PTPRD: variants seen among roughly 807,000 people sequenced by gnomAD.
PTPRD encodes protein tyrosine phosphatase receptor type D.
Under a neutral mutation model 214.5 loss-of-function variants are expected in PTPRD, and 34 were observed. The observed-to-expected ratio is 0.16, with a 90% CI of 0.12 to 0.21. The LOEUF (loss-of-function observed/expected upper bound fraction) is 0.21, where lower values mean the gene tolerates loss of function less well. Ranked by LOEUF, PTPRD falls within the 10% of genes least tolerant of loss-of-function variation. The pLI is 1.00. For synonymous variants in PTPRD, 1,128 were observed against 845.7 expected, an observed-to-expected ratio of 1.33 and a Z score of -5.79; for missense variants, 2,545 against 2,398.7, an observed-to-expected ratio of 1.06 and a Z score of -1.27.
chr9:10,091,357 T>G (rs1204039657), intron 3 of PTPRD, among the ~76,000 whole-genome samples: 1 of 151,514 alleles, frequency 6.6e-6, no homozygotes, highest in Non-Finnish European at 1.5e-5. Flanking sequence ...TTACTATATT[T>G]AAAATACATC....
intron 2 of PTPRD, among the ~76,000 whole-genome samples, chr9:10,462,741 A>C (rs1429886025): frequency 6.6e-6 from 1 of 151,960 alleles, no homozygotes; most frequent in Non-Finnish European, 1.5e-5. Flanking sequence ...AAGTAAAAAA[A>C]AAAAATACTG....
intron 3 of PTPRD, among the ~76,000 whole-genome samples, chr9:10,313,502 T>G (rs1234738634): frequency 6.6e-6 from 1 of 151,866 alleles, no homozygotes; most frequent in Non-Finnish European, 1.5e-5. Context: ...AAGACAAAAC[T>G]ATCAATTATC....
intron 11 of PTPRD, among the ~76,000 whole-genome samples, chr9:8,775,066 G>A (rs1401872915): frequency 6.6e-6 from 1 of 152,138 alleles, no homozygotes; most frequent in Non-Finnish European, 1.5e-5. Flanking sequence ...TAATTGCTAT[G>A]TCCAGTGATG....
chr9:9,031,789 TGAAA>T (rs2099606295), intron 10 of PTPRD, among the ~76,000 whole-genome samples: 1 of 151,828 alleles, frequency 6.6e-6, no homozygotes. Flanking sequence ...AGGAGTTAGG[TGAAA>T]GAACAAAAAA....
chr9:8,329,741 C>G (rs903644578), intron 44 of PTPRD, among the ~76,000 whole-genome samples: 1 of 152,118 alleles, frequency 6.6e-6, no homozygotes, highest in African/African-American at 2.4e-5. Flanking sequence ...TCCAGAGAAG[C>G]AGTTGGCCTT....
intron 8 of PTPRD, among the ~76,000 whole-genome samples, chr9:9,475,216 T>C (rs1479460676): frequency 2.6e-5 from 4 of 152,200 alleles, no homozygotes; most frequent in Admixed American, 2.0e-4. Flanking sequence ...ATAGCTAATA[T>C]ATTACGAAAT....
At chr9:8,977,828 G>T (rs928480050) in intron 11 of PTPRD, among the ~76,000 whole-genome samples, 1 of 152,020 alleles carries the variant, frequency 6.6e-6, no homozygotes, top group South Asian at 2.1e-4. Flanking sequence ...AGATATTTAG[G>T]GCTGGGAAAG....
intron 3 of PTPRD, among the ~76,000 whole-genome samples, chr9:10,082,830 CACACACACAA>C (rs993670372): frequency 2.2e-5 from 3 of 136,988 alleles, no homozygotes; most frequent in African/African-American, 3.2e-5. Context: ...CACACACACA[CACACACACAA>C]ACACACACAC....
chr9:10,223,670 AAAT>A (rs67338126), intron 3 of PTPRD, among the ~76,000 whole-genome samples: 21,776 of 134,090 alleles, frequency 0.16, 2,280 homozygotes, highest in African/African-American at 0.32. Context: ...ATTCTGTCTC[AAAT>A]AATAATAATA....
At chr9:9,664,105 A>G (rs990223429) in intron 7 of PTPRD, among the ~76,000 whole-genome samples, 6 of 150,632 alleles carry the variant, frequency 4.0e-5, no homozygotes, top group African/African-American at 7.3e-5. Flanking sequence ...AAAAAAAAAA[A>G]AAGAAGTTAT....
intron 5 of PTPRD, among the ~76,000 whole-genome samples, chr9:9,928,375 T>C (rs991621244): frequency 6.6e-6 from 1 of 152,176 alleles, no homozygotes; most frequent in Non-Finnish European, 1.5e-5. Flanking sequence ...TCTTGAGTTT[T>C]TGTCCAGAAC....
In PTPRD at chr9:9,892,220, A is replaced by T. The variant is rs10123433; in HGVS notation, c.-368+46287T>A. Among the ~76,000 whole-genome samples, 6 of 152,198 alleles carry T rather than the reference A, an allele frequency of 3.9e-5. No individual in the cohort carries two copies. The East Asian group carries it at 1.2e-3, about 29-fold the overall frequency. On this transcript the variant is annotated intron_variant, in intron 5 of 45. Coordinates refer to ENST00000381196, the MANE Select transcript of PTPRD (RefSeq NM_002839.4). ...AAAAGGAAAATGTAGGAAGAAAAGT[A>T]ATAAAGGAGGAAAGGAATGGATATT...
intron 9 of PTPRD, among the ~76,000 whole-genome samples, chr9:9,321,346 G>A (rs556248133): frequency 5.7e-4 from 86 of 152,054 alleles, no homozygotes; most frequent in African/African-American, 1.9e-3. Flanking sequence ...ACCTGAGGTC[G>A]GGAGTTCACG....
At chr9:9,879,690 A>T (rs186573908) in intron 5 of PTPRD, among the ~76,000 whole-genome samples, 1,530 of 152,282 alleles carry the variant, frequency 0.01, 7 homozygotes, top group Non-Finnish European at 0.017. Flanking sequence ...TGATTTAGAG[A>T]ACAGAAGCCT....
intron 10 of PTPRD, among the ~76,000 whole-genome samples, chr9:9,116,934 A>ACCC (rs761387980): frequency 2.3e-4 from 35 of 152,236 alleles, no homozygotes; most frequent in Non-Finnish European, 4.0e-4. Flanking sequence ...ACCATGCCTG[A>ACCC]CCCATAGTAT....
rs564072248 is a variant in PTPRD, at chr9:9,262,034, A to T, written c.-202-78671T>A. Among the ~76,000 whole-genome samples the T allele has an allele frequency of 2.6e-5, 4 of 151,880 alleles. No homozygotes were observed. In the East Asian group the frequency reaches 7.8e-4, roughly 30 times the overall value. ...GAACTCTACAAAGCCCTCTTGCAAA[A>T]TATATTAAATTCCTTTATATGAGGA... is the stretch of plus-strand genomic sequence containing the variant. On this transcript the variant is annotated intron_variant, in intron 9 of 45. Coordinates refer to ENST00000381196, the MANE Select transcript of PTPRD (RefSeq NM_002839.4).
chr9:9,037,864 T>A (rs1014026389), intron 10 of PTPRD, among the ~76,000 whole-genome samples: 19 of 152,174 alleles, frequency 1.2e-4, no homozygotes, highest in African/African-American at 3.9e-4. Flanking sequence ...TGATTTTCAC[T>A]GTGCTGACTA....
At chr9:9,999,633 G>C (rs144001079) in intron 4 of PTPRD, among the ~76,000 whole-genome samples, 119 of 152,260 alleles carry the variant, frequency 7.8e-4, no homozygotes, top group Non-Finnish European at 1.5e-3. Flanking sequence ...ATTTGCAATA[G>C]AACTATACAC....
At chr9:9,288,045 A>G (rs1950058874) in intron 9 of PTPRD, among the ~76,000 whole-genome samples, 2 of 151,812 alleles carry the variant, frequency 1.3e-5, no homozygotes, top group African/African-American at 4.8e-5. Context: ...AAGATTTCCT[A>G]TTAATATTTT....
Sources: gnomAD v4.1 joint callset for allele counts (sites outside exome capture counted in the v4.1 genomes callset) on GRCh38, gnomAD v4.1.1 for gene constraint, MANE v1.5 for transcripts, NCBI Gene and HGNC (gene_info 2026-07-23, HGNC 2026-07-21) for gene names.